DLC1: variants seen among roughly 807,000 people sequenced by gnomAD.
The protein encoded by DLC1 is DLC1 Rho GTPase activating protein, also known as rho GTPase-activating protein 7.
A neutral mutation model predicts 140.3 loss-of-function variants in DLC1; 54 were observed. The observed-to-expected ratio is 0.38, with a 90% CI of 0.31 to 0.48. The LOEUF is 0.48. Ranked by LOEUF, DLC1 falls within the 20% of genes least tolerant of loss-of-function variation. The probability of loss-of-function intolerance (pLI) is 0.96; values close to 1 mark genes in which losing one functional copy is unlikely to be tolerated. For synonymous variants in DLC1, 986 were observed against 728.1 expected (o/e 1.35, Z -5.70); for missense variants, 2,536 against 1,907.0 (o/e 1.33, Z -6.14).
intron 5 of DLC1, among the ~76,000 whole-genome samples, chr8:13,132,094 G>A (rs1822144162): frequency 6.6e-6 from 1 of 152,070 alleles, no homozygotes; most frequent in South Asian, 2.1e-4. Flanking sequence ...CCTCTCTCCG[G>A]CCCAGGAACT....
chr8:13,576,795 G>C (rs906772027), intron 1 of DLC1, among the ~76,000 whole-genome samples: 1 of 152,172 alleles, frequency 6.6e-6, no homozygotes, highest in Admixed American at 6.5e-5. Flanking sequence ...TAAAGCCTAG[G>C]CTGCAAGGAC....
chr8:13,321,471 G>A (rs545701898), intron 4 of DLC1, among the ~76,000 whole-genome samples: 2 of 141,816 alleles, frequency 1.4e-5, no homozygotes, highest in Non-Finnish European at 3.0e-5. Flanking sequence ...CCAGGAGGCA[G>A]AAGTTGCAGT....
At chr8:13,246,704 T>C (rs1177876190) in intron 5 of DLC1, among the ~76,000 whole-genome samples, 3 of 152,070 alleles carry the variant, frequency 2.0e-5, no homozygotes, top group Non-Finnish European at 4.4e-5. Flanking sequence ...TGACACCCAC[T>C]TGCATGCCAT....
intron 1 of DLC1, among the ~76,000 whole-genome samples, chr8:13,551,374 C>T (rs2117356432): frequency 6.6e-6 from 1 of 152,046 alleles, no homozygotes; most frequent in Non-Finnish European, 1.5e-5. Context: ...GGATCTAGTT[C>T]TAGATTTTGA....
intron 5 of DLC1, chr8:13,214,379 G>T (rs181264910): frequency 2.6e-6 from 1 of 386,422 alleles, no homozygotes; most frequent in East Asian, 4.2e-5. Flanking sequence ...GGACCCTGTT[G>T]ACAGGCTTTG....
intron 2 of DLC1, among the ~76,000 whole-genome samples, chr8:13,460,907 C>T (rs1016258816): frequency 2.6e-5 from 4 of 152,186 alleles, no homozygotes; most frequent in Non-Finnish European, 5.9e-5. Flanking sequence ...AAACAGGGTC[C>T]TGTGCGTGTA....
chr8:13,203,151 G>T (rs1563161734), intron 5 of DLC1, among the ~76,000 whole-genome samples: 2 of 152,294 alleles, frequency 1.3e-5, no homozygotes, highest in East Asian at 3.9e-4. Flanking sequence ...AGATAGTGTT[G>T]ACTTCATGGT....
intron 4 of DLC1, among the ~76,000 whole-genome samples, chr8:13,333,518 G>A (rs1351039567): frequency 1.3e-5 from 2 of 152,054 alleles, no homozygotes; most frequent in African/African-American, 2.4e-5. Flanking sequence ...CAATATGTGG[G>A]GATCAACAGG....
At chr8:13,489,070 C>T (rs181645845) in intron 2 of DLC1, among the ~76,000 whole-genome samples, 4 of 152,204 alleles carry the variant, frequency 2.6e-5, no homozygotes, top group Non-Finnish European at 5.9e-5. Flanking sequence ...GTCTCAGTCT[C>T]CCGAGCAGCT....
At chr8:13,219,148 ATATAAT>A (rs1256445480) in intron 5 of DLC1, among the ~76,000 whole-genome samples, 1 of 57,234 alleles carries the variant, frequency 1.7e-5, no homozygotes, top group African/African-American at 6.5e-5. Flanking sequence ...GAATATAATT[ATATAAT>A]TATATGAATA....
chr8:13,364,990 CA>C (rs1835414646), intron 4 of DLC1, among the ~76,000 whole-genome samples: 1 of 152,192 alleles, frequency 6.6e-6, no homozygotes, highest in Non-Finnish European at 1.5e-5. Context: ...TTTGAGATTG[CA>C]TGGTAAATCT....
At chr8:13,349,240 A>G (rs1177564343) in intron 4 of DLC1, among the ~76,000 whole-genome samples, 1 of 152,120 alleles carries the variant, frequency 6.6e-6, no homozygotes, top group Non-Finnish European at 1.5e-5. Context: ...AAAGATGATG[A>G]AGACCTTTTG....
At chr8:13,121,444 G>A (rs139463405) in intron 5 of DLC1, among the ~76,000 whole-genome samples, 6 of 152,310 alleles carry the variant, frequency 3.9e-5, no homozygotes, top group African/African-American at 1.2e-4. Context: ...TCCAGAGGGC[G>A]TTCACTGGGA....
At chr8:13,427,752 G>T (rs1313127595) in intron 2 of DLC1, among the ~76,000 whole-genome samples, 10 of 152,282 alleles carry the variant, frequency 6.6e-5, no homozygotes, top group African/African-American at 2.4e-4. Flanking sequence ...AAAATGTGAG[G>T]TCCTTGAGAT....
chr8:13,524,653 C>G (rs1203836225), intron 1 of DLC1, among the ~76,000 whole-genome samples: 2 of 151,580 alleles, frequency 1.3e-5, no homozygotes, highest in Non-Finnish European at 2.9e-5. Flanking sequence ...CTTAAAGTTG[C>G]AAAGAAAGGC....
chr8:13,291,074 A>T (rs1049606364), intron 5 of DLC1, among the ~76,000 whole-genome samples: 15 of 152,140 alleles, frequency 9.9e-5, no homozygotes, highest in Admixed American at 2.0e-4. Context: ...CGCCTGGCTA[A>T]TTTTTTGTAT....
intron 4 of DLC1, among the ~76,000 whole-genome samples, chr8:13,317,278 G>A (rs3848998): frequency 0.28 from 42,175 of 152,022 alleles, 6,213 homozygotes; most frequent in Middle Eastern, 0.32. Context: ...TAACTAGGAA[G>A]TATGAAAACG....
At chr8:13,516,537 A>G (rs1182327963), upstream of DLC1, among the ~76,000 whole-genome samples, 1 of 152,218 alleles carries the variant, frequency 6.6e-6, no homozygotes, top group African/African-American at 2.4e-5. Flanking sequence ...GAACCATATT[A>G]GACCCATGTT....
At chr8:13,115,808 G>T in intron 5 of DLC1, 151 bp from the exon 6 acceptor site, 1 of 696,356 alleles carries the variant, frequency 1.4e-6, no homozygotes, top group African/African-American at 1.8e-5. Flanking sequence ...TAATTCGAAT[G>T]GTTTACATTT....
Sources: allele counts gnomAD v4.1 joint callset (sites outside exome capture counted in the v4.1 genomes callset), GRCh38; gene constraint gnomAD v4.1.1; transcripts MANE v1.5; gene names NCBI Gene and HGNC (gene_info 2026-07-23, HGNC 2026-07-21).